DPP8: variants seen among roughly 807,000 people sequenced by gnomAD.
The protein encoded by DPP8 is dipeptidyl peptidase 8, also known as DPP VIII.
A neutral mutation model predicts 107.5 loss-of-function variants in DPP8; 31 were observed. That is an observed-to-expected ratio of 0.29 (90% confidence interval 0.22 to 0.39). The LOEUF is 0.39. DPP8 is among the 10% of genes least tolerant of loss of function. DPP8 has a pLI of 1.00. For synonymous variants in DPP8, 381 were observed against 356.6 expected (o/e 1.07, Z -0.77); for missense variants, 842 against 1,076.1 (o/e 0.78, Z 3.04).
Position 65,446,597 on chromosome 15 carries a change from G to A in DPP8, c.*287C>T, listed in dbSNP as rs188511480. On this transcript the variant is annotated 3_prime_UTR_variant, in exon 20 of 20. Coordinates refer to ENST00000300141, the MANE Select transcript of DPP8 (RefSeq NM_130434.5). ...ATTAAAAGTGAAAATAGGGTAGTAT[G>A]AATACATGGTGCTAATGTCTTTTTT... 4.6e-4 allele frequency: 74 copies of A among 162,566 alleles called. No individual in the cohort carries two copies. In the East Asian group the frequency reaches 8.4e-3, roughly 18 times the overall value. 10.1% of individuals were successfully genotyped at this position (162,566 alleles called of 1,614,324 possible).
At position 65,490,261 on chromosome 15, in the gene DPP8, C is replaced by T; in HGVS notation, c.754G>A (p.Val252Ile). The T allele has an allele frequency of 1.2e-6, 2 of 1,613,810 alleles. No individual in the cohort carries two copies. The highest frequency in any genetic ancestry group is 1.7e-6 in the Non-Finnish European group (2 of 1,179,702). ...TCTTCTTGGAGAACAAAGGTAGCGACTCCAGCTGATCTGGCATCTTCTTCC... is the reference window on the plus strand; with the variant it reads ...TCTTCTTGGAGAACAAAGGTAGCGATTCCAGCTGATCTGGCATCTTCTTCC... ...NMEEDARSAG[V>I]ATFVLQEEFD... Residue 252 changes from valine (V) to isoleucine (I), a missense_variant, in exon 6 of 20, where the codon GTC (valine) becomes ATC (isoleucine). Around this residue, in one of 2 missense-constraint regions of DPP8, gnomAD observed 663 missense variants for 758.0 expected, o/e 0.87. Transcript: ENST00000300141.
chr15:65,462,887 T>A (rs1011265676), intron 15 of DPP8, among the ~76,000 whole-genome samples: 2 of 152,110 alleles, frequency 1.3e-5, no homozygotes, highest in African/African-American at 2.4e-5. Context: ...CCAAAATATT[T>A]CACTCCAATA....
At chr15:65,505,288 G>A (rs1443379953) in intron 3 of DPP8, among the ~76,000 whole-genome samples, 3 of 151,792 alleles carry the variant, frequency 2.0e-5, no homozygotes, top group African/African-American at 7.3e-5. Context: ...CCGGGAGGAG[G>A]AGCTTGCAGT....
Position 65,466,632 on chromosome 15 carries a change from T to A in DPP8, c.1825+46A>T, listed in dbSNP as rs1391550266. On this transcript the variant is annotated intron_variant, in intron 14 of 19. Coordinates refer to ENST00000300141, the MANE Select transcript of DPP8 (RefSeq NM_130434.5). The stretch of plus-strand genomic sequence containing the variant: ...ATATGACACACGTTTAGTGTACTAA[T>A]ATATTAATCCTACTTAACGTCAGGA... 2.6e-6 allele frequency: 4 copies of A among 1,533,974 alleles called. No homozygotes were observed. The Admixed American group carries it at 5.1e-5, about 20-fold the overall frequency.
At chr15:65,479,602 T>C (rs2066711709) in intron 10 of DPP8, among the ~76,000 whole-genome samples, 1 of 151,864 alleles carries the variant, frequency 6.6e-6, no homozygotes, top group Admixed American at 6.6e-5. Context: ...CCCAGCACTT[T>C]GGGAGGCCGA....
At chr15:65,467,930 G>A (rs2065504053) in intron 12 of DPP8, among the ~76,000 whole-genome samples, 1 of 151,574 alleles carries the variant, frequency 6.6e-6, no homozygotes, top group African/African-American at 2.4e-5. Context: ...TATTATCTTA[G>A]GCAGTACTTT....
intron 5 of DPP8, among the ~76,000 whole-genome samples, chr15:65,492,136 G>A (rs2140916038): frequency 6.6e-6 from 1 of 152,066 alleles, no homozygotes; most frequent in East Asian, 2.0e-4. Flanking sequence ...GAGCTCAGGA[G>A]TTTGAGACCA....
At chr15:65,456,792 G>A (rs2064459986) in intron 15 of DPP8, among the ~76,000 whole-genome samples, 1 of 152,058 alleles carries the variant, frequency 6.6e-6, no homozygotes, top group Non-Finnish European at 1.5e-5. Context: ...TTACCCTTCA[G>A]AATAAGTCTA....
intron 5 of DPP8, among the ~76,000 whole-genome samples, chr15:65,497,263 GTATTTATT>G (rs760749106): frequency 6.6e-6 from 1 of 151,972 alleles, no homozygotes; most frequent in Non-Finnish European, 1.5e-5. Context: ...TTTTAAAAAT[GTATTTATT>G]TATTTATTTA....
chr15:65,513,224 T>TA (rs952803853), intron 1 of DPP8, among the ~76,000 whole-genome samples: 2 of 152,052 alleles, frequency 1.3e-5, no homozygotes, highest in Non-Finnish European at 2.9e-5. Flanking sequence ...CTACATTTTT[T>TA]TTTTTTTGAG....
rs1411203768 is a variant in DPP8, at chr15:65,444,298, A to G, written c.*2586T>C. ...TATCCCAGATGAATCTTAGATTTTG[A>G]GTTCCACTACTCTGTAATGCTCAAG... On this transcript the variant is annotated 3_prime_UTR_variant, in exon 20 of 20. Coordinates refer to ENST00000300141, the MANE Select transcript of DPP8 (RefSeq NM_130434.5). 2 of 152,210 alleles carry G rather than the reference A, an allele frequency of 1.3e-5. No homozygotes were observed. Among genetic ancestry groups the G allele is most frequent in the Non-Finnish European group, 2.9e-5 (2 of 68,042 alleles). 9.4% of individuals were successfully genotyped at this position (152,210 alleles called of 1,614,324 possible).
chr15:65,514,406 G>A (rs375550036), intron 1 of DPP8, among the ~76,000 whole-genome samples: 1 of 152,154 alleles, frequency 6.6e-6, no homozygotes, highest in East Asian at 1.9e-4. Context: ...TAAGACTGTG[G>A]TGGTTATATA....
At chr15:65,454,675 C>T (rs1388556411) in intron 16 of DPP8, among the ~76,000 whole-genome samples, 1 of 152,084 alleles carries the variant, frequency 6.6e-6, no homozygotes, top group Admixed American at 6.6e-5. Flanking sequence ...CACAGGCATG[C>T]GCCACCATGC....
At chr15:65,478,626 A>G (rs2066620983) in intron 11 of DPP8, among the ~76,000 whole-genome samples, 1 of 152,240 alleles carries the variant, frequency 6.6e-6, no homozygotes, top group Admixed American at 6.5e-5. Context: ...GCAAAAGTAA[A>G]AAGTAAAAAT....
At position 65,478,937 on chromosome 15, in the gene DPP8, T is replaced by C; in HGVS notation, c.1399A>G (p.Thr467Ala). Residue 467 changes from threonine (T) to alanine (A), a missense_variant, in exon 11 of 20, where the codon ACA becomes GCA. By Grantham distance (58) the Thr-to-Ala change is moderately conservative. This residue lies in a region of DPP8 where 663 missense variants were observed against 758.0 expected (regional missense o/e 0.87). Transcript: ENST00000300141. Reference sequence around the variant, plus strand: ...TATTTGCTTTCCTTTAAAATAGATGTAATTTTGTATAAATGACGGAAACCT... The same window carrying C: ...TATTTGCTTTCCTTTAAAATAGATGCAATTTTGTATAAATGACGGAAACCT... ...KTGFRHLYKI[T>A]SILKESKYKR... 1 of 1,595,250 alleles carries C rather than the reference T, an allele frequency of 6.3e-7. No individual in the cohort carries two copies. The highest frequency in any genetic ancestry group is 8.5e-7 in the Non-Finnish European group (1 of 1,172,470).
intron 10 of DPP8, 46 bp from the exon 11 acceptor site, chr15:65,479,085 T>A (rs1273770771): frequency 3.0e-6 from 4 of 1,328,038 alleles, no homozygotes; most frequent in Non-Finnish European, 4.1e-6. Flanking sequence ...ATGAAAATAC[T>A]ACATAATTCA....
chr15:65,500,071 A>T (rs904256535), intron 4 of DPP8, among the ~76,000 whole-genome samples: 9 of 151,942 alleles, frequency 5.9e-5, no homozygotes, highest in African/African-American at 1.7e-4. Context: ...AAGTTTTTTT[A>T]AATTTTTTTT....
At chr15:65,515,774 T>C (rs1021548007) in intron 1 of DPP8, 2 of 1,331,270 alleles carry the variant, frequency 1.5e-6, no homozygotes, top group Non-Finnish European at 2.1e-6. Context: ...GAATCTTTCC[T>C]TTCCTCACCA....
At chr15:65,462,682 C>G (rs1166747628) in intron 15 of DPP8, among the ~76,000 whole-genome samples, 1 of 151,692 alleles carries the variant, frequency 6.6e-6, no homozygotes, top group Non-Finnish European at 1.5e-5. Flanking sequence ...CTGGTTCAAG[C>G]GATTCTCCTG....
Sources: gnomAD v4.1 joint callset for allele counts (sites outside exome capture counted in the v4.1 genomes callset) on GRCh38, gnomAD v4.1.1 for gene constraint, gnomAD v4.1.1 regional missense constraint, MANE v1.5 for transcripts, NCBI Gene and HGNC (gene_info 2026-07-23, HGNC 2026-07-21) for gene names.